The following SMYD2 variants were observed in gnomAD, a reference collection of about 807,000 sequenced individuals.
The protein encoded by SMYD2 is N-lysine methyltransferase SMYD2.
In SMYD2, 53 loss-of-function variants were observed where a neutral mutation model predicts 59.1. That is an observed-to-expected ratio of 0.90 (90% CI 0.72 to 1.13). SMYD2 has a LOEUF of 1.13. Ranked by LOEUF, SMYD2 falls within the 50% of genes most tolerant of loss-of-function variation. The pLI is 0.00. For missense variants in SMYD2, 494 were observed against 544.7 expected, an observed-to-expected ratio of 0.91 and a Z score of 0.93; for synonymous variants, 208 against 198.8, an observed-to-expected ratio of 1.05 and a Z score of -0.39.
chr1:214,330,469 A>T (rs1414014520), intron 8 of SMYD2, among the ~76,000 whole-genome samples, 191 bp downstream of exon 8: 1 of 152,206 alleles, frequency 6.6e-6, no homozygotes, highest in Non-Finnish European at 1.5e-5. Context: ...AGCTAAAGAA[A>T]ACATTTCCAT....
chr1:214,315,346 C>A (rs1657067492), intron 3 of SMYD2, among the ~76,000 whole-genome samples: 1 of 151,952 alleles, frequency 6.6e-6, no homozygotes, highest in Non-Finnish European at 1.5e-5. Flanking sequence ...ATGGAACAGC[C>A]TTGACTATGA....
chr1:214,301,547 G>A (rs1656823561), intron 1 of SMYD2, among the ~76,000 whole-genome samples: 2 of 137,550 alleles, frequency 1.5e-5, no homozygotes, highest in Non-Finnish European at 3.1e-5. Context: ...ATTACCACTA[G>A]TCTCATCAGA....
chr1:214,304,953 C>G (rs183707382), intron 1 of SMYD2, among the ~76,000 whole-genome samples: 135 of 152,246 alleles, frequency 8.9e-4, no homozygotes, highest in Non-Finnish European at 1.3e-3. Context: ...GGACAGTGCT[C>G]TTCATACTGG....
chr1:214,325,588 G>A (rs1239792074), intron 6 of SMYD2, among the ~76,000 whole-genome samples: 3 of 152,148 alleles, frequency 2.0e-5, no homozygotes, highest in Non-Finnish European at 4.4e-5. Context: ...AGCTATGTGC[G>A]TCTCTGCCAG....
intron 10 of SMYD2, 154 bp downstream of exon 10, chr1:214,332,346 G>A: frequency 1.2e-6 from 1 of 840,546 alleles, no homozygotes; most frequent in East Asian, 2.7e-5. Flanking sequence ...GCAGGGCACT[G>A]CTCCCGAGTC....
chr1:214,332,802 G>A (rs1417462452), intron 10 of SMYD2: 1 of 152,758 alleles, frequency 6.5e-6, no homozygotes, highest in Non-Finnish European at 1.5e-5. Flanking sequence ...TTGTGGCTTT[G>A]TCCTCTGACT....
At chr1:214,304,557 T>TAAA (rs1360994446) in intron 1 of SMYD2, among the ~76,000 whole-genome samples, 2 of 20,534 alleles carry the variant, frequency 9.7e-5, no homozygotes, top group African/African-American at 7.9e-4. Flanking sequence ...AGACCCTATC[T>TAAA]CAAAAAAAAA....
chr1:214,299,945 C>A (rs879611424), intron 1 of SMYD2, among the ~76,000 whole-genome samples: 1 of 152,062 alleles, frequency 6.6e-6, no homozygotes, highest in Non-Finnish European at 1.5e-5. Flanking sequence ...ATTGGGTATT[C>A]ATGGATGTAA....
intron 11 of SMYD2, among the ~76,000 whole-genome samples, chr1:214,334,741 C>A (rs1657410107): frequency 6.6e-6 from 1 of 152,186 alleles, no homozygotes; most frequent in Admixed American, 6.5e-5. Context: ...CATTGAGGAC[C>A]AGTTACATAC....
intron 3 of SMYD2, among the ~76,000 whole-genome samples, chr1:214,317,479 A>G (rs1657105341): frequency 6.6e-6 from 1 of 152,250 alleles, no homozygotes; most frequent in African/African-American, 2.4e-5. Flanking sequence ...GCCTTGGGCC[A>G]GCTCCTGAGC....
At position 214,286,203 on chromosome 1, in the gene SMYD2, G is replaced by T. The variant is rs1042122869; in HGVS notation, c.173+4776G>T. ...CTGTAAAATGTGCGTACTAATGCCA[G>T]TGCCGTTAATCCCAGGACTTGGTAG... On this transcript the variant is annotated intron_variant, in intron 1 of 11. Coordinates refer to ENST00000366957, the MANE Select transcript of SMYD2 (RefSeq NM_020197.3). Among the ~76,000 whole-genome samples, 11 of 152,210 alleles carry T rather than the reference G, an allele frequency of 7.2e-5. 1 individual carries two copies. The highest frequency in any genetic ancestry group is 2.4e-4 in the African/African-American group (10 of 41,444).
At chr1:214,326,162 C>T (rs531652824) in intron 6 of SMYD2, among the ~76,000 whole-genome samples, 1 of 149,900 alleles carries the variant, frequency 6.7e-6, no homozygotes, top group Non-Finnish European at 1.5e-5. Flanking sequence ...CACTTGAACC[C>T]GGGAGGTGGA....
Position 214,318,736 on chromosome 1 carries a change from TGTTA to T in SMYD2, c.410-119_410-116del. The T allele has an allele frequency of 8.8e-7, 1 of 1,130,040 alleles. No individual in the cohort carries two copies. Among genetic ancestry groups the T allele is most frequent in the Non-Finnish European group, 1.2e-6 (1 of 813,532 alleles). 70.0% of individuals were successfully genotyped at this position (1,130,040 alleles called of 1,614,324 possible). A position where few individuals can be genotyped will look rare whatever the true frequency, so the allele number is the denominator to read the frequency against. ...AAGAATGTTCTCTGGGGGTTCAACA[TGTTA>T]GTTTTGGGTTTTTTTTTTTTCGCCC... On this transcript the variant is annotated intron_variant, in intron 4 of 11. Transcript: ENST00000366957. This position sits in a 1 kb window ranked among gnomAD's most constrained non-coding sequence, Gnocchi z 5.4.
Position 214,317,819 on chromosome 1 carries a change from C to T in SMYD2, c.349-260C>T, listed in dbSNP as rs376235902. 2.0e-4 allele frequency among the ~76,000 whole-genome samples: 31 copies of T among 152,092 alleles called. 1 individual carries two copies. Among genetic ancestry groups the T allele is most frequent in the Admixed American group, 5.2e-4 (8 of 15,278 alleles). ...GTTGTTTTCCGGCCCTGTTCTTTCC[C>T]GTAACAGGTATTTCTGAGCCTACTG... is the stretch of plus-strand genomic sequence containing the variant. On this transcript the variant is annotated intron_variant, in intron 3 of 11. Coordinates refer to ENST00000366957, the MANE Select transcript of SMYD2 (RefSeq NM_020197.3).
intron 7 of SMYD2, among the ~76,000 whole-genome samples, chr1:214,328,456 T>C: frequency 7.2e-6 from 1 of 139,096 alleles, no homozygotes; most frequent in Non-Finnish European, 1.6e-5. Flanking sequence ...CCATGTGTGA[T>C]TCCTGACTAC....
intron 1 of SMYD2, 57 bp from the exon 2 acceptor site, chr1:214,305,130 T>C (rs1656896237): frequency 2.0e-6 from 3 of 1,533,422 alleles, no homozygotes; most frequent in Non-Finnish European, 2.7e-6. Flanking sequence ...CATGATAAAA[T>C]GTACAGCTTC....
At position 214,336,735 on chromosome 1, in the gene SMYD2, A is replaced by G. The variant is rs772125152; in HGVS notation, c.1253A>G (p.Lys418Arg). ...GCAATCATGGAAGTAGCTCACGGCA[A>G]AGATCATCCATATATTTCTGAGATC... ...AIAIMEVAHG[K>R]DHPYISEIKQ... Residue 418 changes from lysine to arginine, a missense_variant, in exon 12 of 12, where the codon AAA becomes AGA. Transcript: ENST00000366957. The G allele has an allele frequency of 3.1e-6, 5 of 1,613,920 alleles. No homozygotes were observed. The Admixed American group carries it at 8.3e-5, about 27-fold the overall frequency.
At chr1:214,321,652 A>T (rs1041952951) in intron 5 of SMYD2, among the ~76,000 whole-genome samples, 10 of 152,234 alleles carry the variant, frequency 6.6e-5, no homozygotes, top group African/African-American at 2.4e-4. Context: ...CTTTGACAGC[A>T]TCGAGGTGTG....
At chr1:214,315,420 T>TA (rs79246810) in intron 3 of SMYD2, among the ~76,000 whole-genome samples, 1,457 of 145,222 alleles carry the variant, frequency 0.01, 12 homozygotes, top group South Asian at 0.024. Context: ...GGAAGAGAGT[T>TA]AAAAAAAAAA....
Sources: allele counts gnomAD v4.1 joint callset (sites outside exome capture counted in the v4.1 genomes callset), GRCh38; gene constraint gnomAD v4.1.1; non-coding constraint Gnocchi (gnomAD v3.1); transcripts MANE v1.5; gene names NCBI Gene and HGNC (gene_info 2026-07-23, HGNC 2026-07-21).